The following RMND5A variants were observed in gnomAD, a reference collection of about 807,000 sequenced individuals.
RMND5A encodes the protein E3 ubiquitin-protein transferase RMND5A.
A neutral mutation model predicts 49.7 loss-of-function variants in RMND5A; 17 were observed. The observed-to-expected ratio is 0.34, with a 90% confidence interval of 0.23 to 0.51. RMND5A has a LOEUF of 0.51. Among genes scored for constraint, RMND5A ranks in the 20% least tolerant of loss-of-function variants. RMND5A has a pLI of 0.96. For missense variants in RMND5A, 255 were observed against 471.3 expected, an observed-to-expected ratio of 0.54 and a Z score of 4.25; for synonymous variants, 156 against 167.7, an observed-to-expected ratio of 0.93 and a Z score of 0.54.
rs1160735080 is a variant in RMND5A, at chr2:86,756,580, A to C, written c.521+3022A>C. 2.0e-5 allele frequency among the ~76,000 whole-genome samples: 3 copies of C among 152,236 alleles called. 1 individual carries two copies. The highest frequency in any genetic ancestry group is 4.4e-5 in the Non-Finnish European group (3 of 68,040). On this transcript the variant is annotated intron_variant, in intron 4 of 8. Transcript: ENST00000283632. ...ATAGAAATCGTCATTACAACAATTC[A>C]GATTTTTCCAATTCTTGCCTATTGT...
chr2:86,761,536 T>C (rs914129340), intron 4 of RMND5A, among the ~76,000 whole-genome samples: 6 of 152,134 alleles, frequency 3.9e-5, no homozygotes, highest in African/African-American at 1.4e-4. Flanking sequence ...GAGTTAAAAG[T>C]GGGGTATCTC....
intron 8 of RMND5A, 143 bp from the exon 9 acceptor site, chr2:86,773,205 C>G (rs534190171): frequency 2.2e-6 from 1 of 453,230 alleles, no homozygotes; most frequent in Admixed American, 3.8e-5. Context: ...ATAGTTCATC[C>G]TCAAAGCAAA....
chr2:86,766,154 C>G lies in RMND5A; in HGVS notation c.854+130C>G. ...CCAAAGAAGAGTGCAATTGGTATTTCAAAAGATATCACAATTGGCAGTGAT... is the reference window on the plus strand; with the variant it reads ...CCAAAGAAGAGTGCAATTGGTATTTGAAAAGATATCACAATTGGCAGTGAT... On this transcript the variant is annotated intron_variant, in intron 6 of 8. Transcript: ENST00000283632. 2 of 790,054 alleles carry G rather than the reference C, an allele frequency of 2.5e-6. 1 individual carries two copies. Among genetic ancestry groups the G allele is most frequent in the Non-Finnish European group, 4.0e-6 (2 of 494,624 alleles). The allele number at this position is 790,054 out of a possible 1,614,324, so 48.9% of individuals were successfully genotyped here.
At chr2:86,743,918 C>CA (rs933443038) in intron 2 of RMND5A, among the ~76,000 whole-genome samples, 1 of 149,850 alleles carries the variant, frequency 6.7e-6, no homozygotes, top group African/African-American at 2.5e-5. Context: ...GCGGAGGTTG[C>CA]AGTGAGTCGA....
In RMND5A at chr2:86,743,374, T is replaced by TC. The variant is rs1681483102; in HGVS notation, c.285+2305_285+2306insC. On this transcript the variant is annotated intron_variant, in intron 2 of 8. Transcript: ENST00000283632. ...TTGCTCTTTTGAGGACTTTTTTTTTTTTTATGCCCTTGGAAGTTATAAGGA... is the reference window on the plus strand; with the variant it reads ...TTGCTCTTTTGAGGACTTTTTTTTTTCTTTATGCCCTTGGAAGTTATAAGGA... 3.3e-5 allele frequency among the ~76,000 whole-genome samples: 5 copies of TC among 152,112 alleles called. No individual in the cohort carries two copies. The South Asian group carries it at 1.0e-3, about 31-fold the overall frequency.
chr2:86,760,210 A>G (rs1396095296), intron 4 of RMND5A, among the ~76,000 whole-genome samples: 1 of 151,966 alleles, frequency 6.6e-6, no homozygotes, highest in Non-Finnish European at 1.5e-5. Context: ...ACACCCGACT[A>G]ATTTTGTATT....
rs1672775679 is a variant in RMND5A at position 86,776,709 on chromosome 2, T to C, written c.*3298T>C. 1.3e-5 allele frequency: 2 copies of C among 152,226 alleles called. No individual in the cohort carries two copies. The highest frequency in any genetic ancestry group is 2.9e-5 in the Non-Finnish European group (2 of 68,044). The allele number at this position is 152,226 out of a possible 1,614,324, so 9.4% of individuals were successfully genotyped here. A position where few individuals can be genotyped will look rare whatever the true frequency, so the allele number is the denominator to read the frequency against. On this transcript the variant is annotated 3_prime_UTR_variant, in exon 9 of 9. Transcript: ENST00000283632. Reference sequence around the variant, plus strand: ...TGATAAAGTGGACTGAGAGCCACGCTGCTCAGTCTGTTTCGTCAGCCGACT... The same window carrying C: ...TGATAAAGTGGACTGAGAGCCACGCCGCTCAGTCTGTTTCGTCAGCCGACT...
At position 86,771,619 on chromosome 2, in the gene RMND5A, G is replaced by A. The variant is rs1282096349; in HGVS notation, c.1019G>A (p.Arg340His). The change falls in exon 8 of 9, where the codon CGT (arginine) becomes CAT (histidine). Residue 340 changes from arginine to histidine, a missense_variant. By Grantham distance (29) the Arg-to-His change is conservative (BLOSUM62 0). Around this residue, in one of 3 missense-constraint regions of RMND5A, gnomAD observed 208 missense variants for 339.8 expected, o/e 0.61. Transcript: ENST00000283632. ...TCTATATTTGCCTGCCCCATTCTTC[G>A]TCAGCAAACAACAGATAACAATCCA... is the stretch of plus-strand genomic sequence containing the variant. ...YHSIFACPIL[R>H]QQTTDNNPPM... 1.2e-6 allele frequency: 2 copies of A among 1,610,288 alleles called. No individual in the cohort carries two copies. Among genetic ancestry groups the A allele is most frequent in the Non-Finnish European group, 1.7e-6 (2 of 1,178,948 alleles).
rs1681177648 is a variant in RMND5A at position 86,720,499 on chromosome 2, T to TGCGCGGGGCTCCCCCG, written c.-164_-149dup. On this transcript the variant is annotated 5_prime_UTR_variant, in exon 1 of 9. An upstream open reading frame in the 5' UTR loses its in-frame stop. Transcript: ENST00000283632. ...CGCCATGGGGCAGGCGGGCTCCGGC[T>TGCGCGGGGCTCCCCCG]GCGCGGGGCTCCCCCGGCGCCGCGG... The TGCGCGGGGCTCCCCCG allele has an allele frequency of 3.2e-6, 1 of 312,110 alleles. No individual in the cohort carries two copies. The allele number at this position is 312,110 out of a possible 1,614,324, so 19.3% of individuals were successfully genotyped here. A position where few individuals can be genotyped will look rare whatever the true frequency, so the allele number is the denominator to read the frequency against.
At chr2:86,761,148 C>T (rs1248583441) in intron 4 of RMND5A, among the ~76,000 whole-genome samples, 1 of 152,132 alleles carries the variant, frequency 6.6e-6, no homozygotes, top group Non-Finnish European at 1.5e-5. Flanking sequence ...CTAAAGCTAT[C>T]TGAGGAAGCT....
chr2:86,757,631 A>C (rs548572198), intron 4 of RMND5A, among the ~76,000 whole-genome samples: 1 of 152,312 alleles, frequency 6.6e-6, no homozygotes, highest in East Asian at 1.9e-4. Flanking sequence ...CATTATTAAC[A>C]TACATATTGA....
chr2:86,762,503 G>T (rs1297683647), intron 4 of RMND5A, among the ~76,000 whole-genome samples: 7 of 151,798 alleles, frequency 4.6e-5, no homozygotes, highest in Admixed American at 4.6e-4. Context: ...AAATGAGCTG[G>T]ATGCAGTGGT....
chr2:86,753,891 TC>T (rs1349711897), intron 4 of RMND5A, among the ~76,000 whole-genome samples: 1 of 152,368 alleles, frequency 6.6e-6, no homozygotes, highest in East Asian at 1.9e-4. Flanking sequence ...TATTTAAGCT[TC>T]CTTCATGTGC....
Position 86,725,492 on chromosome 2 carries a change from A to G in RMND5A, c.142+4683A>G, listed in dbSNP as rs1350698613. 1.0e-4 allele frequency among the ~76,000 whole-genome samples: 8 copies of G among 78,650 alleles called. 1 individual carries two copies. Among genetic ancestry groups the G allele is most frequent in the Admixed American group, 8.2e-4 (6 of 7,326 alleles). 51.6% of individuals were successfully genotyped at this position (78,650 alleles called of 152,430 possible). A position where few individuals can be genotyped will look rare whatever the true frequency, so the allele number is the denominator to read the frequency against. On this transcript the variant is annotated intron_variant, in intron 1 of 8. Transcript: ENST00000283632. ...AACCTCCGCCTCCTGGCTTCAGGCA[A>G]TTCTCCTGCCTCAGCCTCCTGAGTA...
chr2:86,770,246 A>G (rs1672666548), intron 7 of RMND5A, 121 bp downstream of exon 7: 16 of 727,350 alleles, frequency 2.2e-5, no homozygotes, highest in Non-Finnish European at 3.9e-5. Context: ...GAGTTCTTTT[A>G]TGGATATATA....
chr2:86,754,539 T>C (rs1334517629), intron 4 of RMND5A, among the ~76,000 whole-genome samples: 22 of 152,166 alleles, frequency 1.4e-4, no homozygotes, highest in Admixed American at 1.4e-3. Context: ...TAATTCTTCA[T>C]AGCTTAGTTT....
At position 86,753,447 on chromosome 2, in the gene RMND5A, T is replaced by C; in HGVS notation, c.421-11T>C. ...TGCTAACAAAAGTTCTTTCTTTCTT[T>C]CTTTTTCCAGGAATCTGGTCTTTCT... On this transcript the variant is annotated splice_polypyrimidine_tract_variant and intron_variant, in intron 3 of 8. Transcript: ENST00000283632. 2 of 1,545,208 alleles carry C rather than the reference T, an allele frequency of 1.3e-6. No individual in the cohort carries two copies. Among genetic ancestry groups the C allele is most frequent in the Non-Finnish European group, 1.8e-6 (2 of 1,122,978 alleles).
chr2:86,764,390 A>G (rs1330409026), intron 4 of RMND5A, among the ~76,000 whole-genome samples: 1 of 152,100 alleles, frequency 6.6e-6, no homozygotes, highest in Admixed American at 6.5e-5. Flanking sequence ...GATTATTCCA[A>G]CTGTTCTATA....
At chr2:86,756,079 G>A (rs930819503) in intron 4 of RMND5A, among the ~76,000 whole-genome samples, 2 of 152,062 alleles carry the variant, frequency 1.3e-5, no homozygotes, top group Non-Finnish European at 2.9e-5. Flanking sequence ...TCTCATTTGA[G>A]GTTCATTTTA....
Sources: allele counts gnomAD v4.1 joint callset (sites outside exome capture counted in the v4.1 genomes callset), GRCh38; gene constraint gnomAD v4.1.1; regional missense constraint gnomAD v4.1.1; transcripts MANE v1.5; gene names NCBI Gene and HGNC (gene_info 2026-07-23, HGNC 2026-07-21).